Variants in DNAH11 observed in about 807,000 individuals in gnomAD.
DNAH11 encodes axonemal beta dynein heavy chain 11.
In DNAH11, 442 loss-of-function variants were observed where a neutral mutation model predicts 526.0. The ratio of observed to expected loss-of-function variants is 0.84; its 90% confidence interval spans 0.78 to 0.91. The LOEUF is 0.91. Among genes scored for constraint, DNAH11 ranks in the 40% least tolerant of loss-of-function variants. The pLI, the probability that DNAH11 is intolerant of heterozygous loss-of-function variation, is 0.00. For missense variants in DNAH11, 6,989 were observed against 5,448.7 expected (o/e 1.28, Z -8.90); for synonymous variants, 2,461 against 1,935.9 (o/e 1.27, Z -7.12).
chr7:21,757,821 C>T (rs1786706267), intron 54 of DNAH11, among the ~76,000 whole-genome samples: 1 of 152,236 alleles, frequency 6.6e-6, no homozygotes, highest in African/African-American at 2.4e-5. Context: ...ATGACATAAG[C>T]CAAAAAACTT....
chr7:21,699,292 C>T (rs1430688966), intron 36 of DNAH11, among the ~76,000 whole-genome samples: 4 of 152,086 alleles, frequency 2.6e-5, no homozygotes, highest in Non-Finnish European at 5.9e-5. Flanking sequence ...GTCAGATTTA[C>T]ATACTCTCTA....
chr7:21,641,991 C>G (rs1583556005), intron 28 of DNAH11, among the ~76,000 whole-genome samples: 3 of 152,262 alleles, frequency 2.0e-5, no homozygotes, highest in South Asian at 4.1e-4. Flanking sequence ...ATAAATGCCA[C>G]CACGCTAACA....
At chr7:21,863,360 G>A (rs975514882) in intron 69 of DNAH11, among the ~76,000 whole-genome samples, 2 of 152,122 alleles carry the variant, frequency 1.3e-5, no homozygotes, top group African/African-American at 4.8e-5. Context: ...ACGGAGTCTC[G>A]CTGTGTCGCC....
At chr7:21,816,247 T>C (rs1226241329) in intron 63 of DNAH11, among the ~76,000 whole-genome samples, 1 of 152,154 alleles carries the variant, frequency 6.6e-6, no homozygotes, top group Admixed American at 6.6e-5. Flanking sequence ...ATAAAACCGA[T>C]GTTGAATCCC....
At chr7:21,794,802 A>G (rs1227178784) in intron 61 of DNAH11, among the ~76,000 whole-genome samples, 1 of 152,158 alleles carries the variant, frequency 6.6e-6, no homozygotes, top group Non-Finnish European at 1.5e-5. Context: ...GGTAAAAAGC[A>G]GTTTTCTTGC....
intron 65 of DNAH11, among the ~76,000 whole-genome samples, chr7:21,819,595 T>G (rs1789966206): frequency 6.6e-6 from 1 of 152,166 alleles, no homozygotes. Flanking sequence ...AGACTTAAAA[T>G]TTTTATCAGT....
At chr7:21,707,559 A>G (rs552492055) in intron 39 of DNAH11, 140 bp from the exon 40 acceptor site, 5 of 1,068,788 alleles carry the variant, frequency 4.7e-6, no homozygotes, top group East Asian at 2.7e-5. Context: ...ACACATGTGC[A>G]TTTTTCCCCT....
At chr7:21,562,349 T>C (rs1456024370) in intron 5 of DNAH11, among the ~76,000 whole-genome samples, 1 of 152,226 alleles carries the variant, frequency 6.6e-6, no homozygotes, top group African/African-American at 2.4e-5. Flanking sequence ...GGGGCAAGAT[T>C]TCTCCTGGTT....
intron 35 of DNAH11, among the ~76,000 whole-genome samples, chr7:21,693,216 T>C (rs1783702996): frequency 6.6e-6 from 1 of 152,232 alleles, no homozygotes; most frequent in African/African-American, 2.4e-5. Context: ...TGTTGTTCTA[T>C]AGTTTTCGTA....
At chr7:21,626,886 G>T (rs1782292231) in intron 25 of DNAH11, among the ~76,000 whole-genome samples, 1 of 151,476 alleles carries the variant, frequency 6.6e-6, no homozygotes, top group Non-Finnish European at 1.5e-5. Flanking sequence ...AAGTAGCTGG[G>T]ACTACAGGCG....
At position 21,617,646 on chromosome 7, in the gene DNAH11, C is replaced by T. The variant is rs775354685; in HGVS notation, c.4123C>T (p.Arg1375Cys). The T allele has an allele frequency of 3.0e-5, 48 of 1,613,566 alleles. No homozygotes were observed. Among genetic ancestry groups the T allele is most frequent in the African/African-American group, 1.1e-4 (8 of 74,890 alleles). The change falls in exon 23 of 82, where the codon CGC (arginine) becomes TGC (cysteine). Residue 1375 changes from arginine (R) to cysteine (C), a missense_variant. Physicochemically the swap from Arg to Cys is radical, Grantham distance 180. Transcript: ENST00000409508. ...AATTTGGTCACTCAACAAGGAAGTC[C>T]GCGTCTGGGATGCTTACACGGGCCT... ...KEIWSLNKEV[R>C]VWDAYTGLEG...
Position 21,793,444 on chromosome 7 carries a change from C to T in DNAH11, c.10026+4102C>T, listed in dbSNP as rs186112244. Reference sequence around the variant, plus strand: ...CATCCTGGCCAACATGGTGAAACCCCGTCTGTACTAAAAATACAAAAATTA... The same window carrying T: ...CATCCTGGCCAACATGGTGAAACCCTGTCTGTACTAAAAATACAAAAATTA... On this transcript the variant is annotated intron_variant, in intron 61 of 81. Coordinates refer to ENST00000409508, the MANE Select transcript of DNAH11 (RefSeq NM_001277115.2). Among the ~76,000 whole-genome samples the T allele has an allele frequency of 1.9e-3, 288 of 151,746 alleles. 1 individual carries two copies. The highest frequency in any genetic ancestry group is 6.5e-3 in the African/African-American group (270 of 41,328).
At chr7:21,659,564 T>C (rs911611835) in intron 30 of DNAH11, among the ~76,000 whole-genome samples, 9 of 152,076 alleles carry the variant, frequency 5.9e-5, no homozygotes, top group African/African-American at 2.2e-4. Context: ...AGTTCAGAGA[T>C]GTAGTCTTTC....
At chr7:21,760,467 T>C (rs1054160176) in intron 54 of DNAH11, among the ~76,000 whole-genome samples, 1 of 152,184 alleles carries the variant, frequency 6.6e-6, no homozygotes, top group African/African-American at 2.4e-5. Flanking sequence ...ATCAAAAGAC[T>C]AGACTCTTAA....
chr7:21,754,592 A>G (rs993289068), intron 54 of DNAH11, among the ~76,000 whole-genome samples: 2 of 150,482 alleles, frequency 1.3e-5, no homozygotes, highest in African/African-American at 4.9e-5. Flanking sequence ...TCACAGGACT[A>G]TTAATTGAAT....
At chr7:21,642,770 G>T (rs1325391988) in intron 28 of DNAH11, among the ~76,000 whole-genome samples, 2 of 152,014 alleles carry the variant, frequency 1.3e-5, no homozygotes. Flanking sequence ...GCAGTTAATT[G>T]TGGAATGTGA....
At chr7:21,591,928 G>C (rs1784701447) in intron 14 of DNAH11, among the ~76,000 whole-genome samples, 1 of 152,060 alleles carries the variant, frequency 6.6e-6, no homozygotes, top group Admixed American at 6.6e-5. Flanking sequence ...AACTTCCTTA[G>C]GTCATCTCAA....
Position 21,687,387 on chromosome 7 carries a change from A to G in DNAH11, c.5784A>G (p.Ile1928Met). ...NCSEQMDYKS[I>M]GNIYKGLVQT... ...TGCCTCACTTTATCATTTAGTCCAT[A>G]GGCAATATCTATAAGGGATTGGTGC... The change falls in exon 34 of 82, where the codon ATA (isoleucine) becomes ATG (methionine). Residue 1928 changes from isoleucine (I) to methionine (M), a missense_variant. Ile to Met is a conservative substitution (Grantham distance 10). Coordinates refer to ENST00000409508, the MANE Select transcript of DNAH11 (RefSeq NM_001277115.2). The G allele has an allele frequency of 6.2e-7, 1 of 1,609,456 alleles. No homozygotes were observed. The highest frequency in any genetic ancestry group is 8.5e-7 in the Non-Finnish European group (1 of 1,177,596).
intron 73 of DNAH11, among the ~76,000 whole-genome samples, chr7:21,872,134 A>AAAAAAAAAACAAAAC (rs1562595908): frequency 3.6e-5 from 4 of 111,608 alleles, no homozygotes; most frequent in African/African-American, 2.1e-4. Flanking sequence ...AAAAAAAAAA[A>AAAAAAAAAACAAAAC]AAAAAAAAAA....
Sources: gnomAD v4.1 joint callset for allele counts (sites outside exome capture counted in the v4.1 genomes callset) on GRCh38, gnomAD v4.1.1 for gene constraint, MANE v1.5 for transcripts, NCBI Gene and HGNC (gene_info 2026-07-23, HGNC 2026-07-21) for gene names.